Variants in THRB observed in about 807,000 individuals in gnomAD.
THRB encodes thyroid hormone receptor beta, also known as nuclear receptor subfamily 1 group A member 2.
A neutral mutation model predicts 47.8 loss-of-function variants in THRB; 12 were observed. The observed-to-expected ratio is 0.25, with a 90% confidence interval of 0.16 to 0.41. THRB has a LOEUF of 0.41. Among genes scored for constraint, THRB ranks in the 10% least tolerant of loss-of-function variants. THRB has a pLI of 1.00. For synonymous variants in THRB, 218 were observed against 212.2 expected (o/e 1.03, Z -0.24); for missense variants, 348 against 589.2 (o/e 0.59, Z 4.24).
At chr3:24,269,460 T>G (rs2053088473) in intron 3 of THRB, among the ~76,000 whole-genome samples, 1 of 151,558 alleles carries the variant, frequency 6.6e-6, no homozygotes, top group Non-Finnish European at 1.5e-5. Context: ...ATCTTCGCTG[T>G]GTTGTCCAGG....
chr3:24,329,628 C>T (rs967800517), intron 2 of THRB, among the ~76,000 whole-genome samples: 1 of 152,222 alleles, frequency 6.6e-6, no homozygotes, highest in Admixed American at 6.5e-5. Flanking sequence ...CTGTATTGAA[C>T]AGTCATGTAT....
At chr3:24,231,402 T>G (rs1192563494) in intron 3 of THRB, among the ~76,000 whole-genome samples, 1 of 152,114 alleles carries the variant, frequency 6.6e-6, no homozygotes, top group Non-Finnish European at 1.5e-5. Context: ...AAATCTTAAT[T>G]CTATATAAGA....
chr3:24,314,418 C>A (rs1451143501), intron 2 of THRB, among the ~76,000 whole-genome samples: 2 of 152,192 alleles, frequency 1.3e-5, no homozygotes, highest in African/African-American at 4.8e-5. Flanking sequence ...CCATCTAAAA[C>A]AAGAGATCTT....
At chr3:24,392,521 A>G (rs968762219) in intron 1 of THRB, among the ~76,000 whole-genome samples, 1 of 152,144 alleles carries the variant, frequency 6.6e-6, no homozygotes, top group Admixed American at 6.6e-5. Context: ...AACTTAAGTA[A>G]AACTATGGAC....
chr3:24,488,739 A>C (rs997375074), intron 1 of THRB, among the ~76,000 whole-genome samples: 2 of 152,186 alleles, frequency 1.3e-5, no homozygotes, highest in African/African-American at 2.4e-5. Context: ...CACTGCCTTA[A>C]ATGAATGAGT....
chr3:24,337,738 T>C (rs1301969752), intron 1 of THRB, among the ~76,000 whole-genome samples: 1 of 152,188 alleles, frequency 6.6e-6, no homozygotes, highest in Non-Finnish European at 1.5e-5. Context: ...CCACTGTGCG[T>C]TAAAGGGAAT....
At chr3:24,465,846 T>A (rs550480244) in intron 1 of THRB, among the ~76,000 whole-genome samples, 317 of 152,248 alleles carry the variant, frequency 2.1e-3, no homozygotes, top group Middle Eastern at 0.02. Context: ...TTGGCTTTGG[T>A]CCTTATTTTT....
In THRB at chr3:24,119,439, G is replaced by GAATAGGT. The variant is rs2031239901; in HGVS notation, c.*3438_*3444dup. ...ATGCAGCAAAAGGTCAATATGACAC[G>GAATAGGT]AATAGGTTAGAGTTCCATAGAATAA... On this transcript the variant is annotated 3_prime_UTR_variant, in exon 11 of 11. Coordinates refer to ENST00000646209, the MANE Select transcript of THRB (RefSeq NM_001354712.2). The GAATAGGT allele has an allele frequency of 6.6e-6, 1 of 152,154 alleles. No homozygotes were observed. The highest frequency in any genetic ancestry group is 2.1e-4 in the South Asian group (1 of 4,818). The allele number at this position is 152,154 out of a possible 1,614,324, so 9.4% of individuals were successfully genotyped here. A position where few individuals can be genotyped will look rare whatever the true frequency, so the allele number is the denominator to read the frequency against.
Position 24,122,482 on chromosome 3 carries a change from G to T in THRB, c.*402C>A. ...GGTGGTCTGTGCTCTGTTAACTTCA[G>T]CCCTGCGAACATCAGGATTGGGTGG... On this transcript the variant is annotated 3_prime_UTR_variant, in exon 11 of 11. Transcript: ENST00000646209. 3.3e-6 allele frequency: 1 copy of T among 305,636 alleles called. No homozygotes were observed. The highest frequency in any genetic ancestry group is 6.3e-6 in the Non-Finnish European group (1 of 157,486). 18.9% of individuals were successfully genotyped at this position (305,636 alleles called of 1,614,324 possible).
At chr3:24,154,794 C>T (rs1429986216) in intron 5 of THRB, among the ~76,000 whole-genome samples, 5 of 152,122 alleles carry the variant, frequency 3.3e-5, no homozygotes, top group Admixed American at 6.5e-5. Flanking sequence ...TCTTATACCT[C>T]GAGGTTATAC....
chr3:24,226,943 C>T (rs911409054), intron 4 of THRB, among the ~76,000 whole-genome samples: 1 of 150,220 alleles, frequency 6.7e-6, no homozygotes, highest in African/African-American at 2.5e-5. Flanking sequence ...TGGCCCTTTA[C>T]AACAACAATA....
At chr3:24,160,966 T>C (rs17014251) in intron 5 of THRB, among the ~76,000 whole-genome samples, 16,301 of 152,276 alleles carry the variant, frequency 0.11, 945 homozygotes, top group African/African-American at 0.13. Context: ...ATGCTCTGGA[T>C]GAGGTTAGGG....
At chr3:24,129,849 G>A (rs1045271872) in intron 9 of THRB, among the ~76,000 whole-genome samples, 1 of 152,216 alleles carries the variant, frequency 6.6e-6, no homozygotes, top group South Asian at 2.1e-4. Flanking sequence ...CAGCTCTGCC[G>A]GCGATGATTT....
At chr3:24,423,234 G>A (rs933522080) in intron 1 of THRB, among the ~76,000 whole-genome samples, 1 of 151,864 alleles carries the variant, frequency 6.6e-6, no homozygotes, top group South Asian at 2.1e-4. Flanking sequence ...CCATAGAATT[G>A]TAAGAAGTAA....
intron 7 of THRB, among the ~76,000 whole-genome samples, chr3:24,146,368 G>GTGTT (rs1387510246): frequency 2.6e-5 from 4 of 152,170 alleles, no homozygotes; most frequent in African/African-American, 9.7e-5. Context: ...CTCAAACAGA[G>GTGTT]TGTTGCTAAC....
intron 1 of THRB, among the ~76,000 whole-genome samples, chr3:24,429,167 A>G (rs1277562546): frequency 6.6e-6 from 1 of 151,614 alleles, no homozygotes; most frequent in Non-Finnish European, 1.5e-5. Context: ...GAAAATTATG[A>G]GGTATTCAAG....
intron 1 of THRB, among the ~76,000 whole-genome samples, chr3:24,353,129 C>G (rs1360996996): frequency 6.6e-6 from 1 of 151,912 alleles, no homozygotes; most frequent in African/African-American, 2.4e-5. Flanking sequence ...ATTCTTACCC[C>G]CCAAGTATAT....
At chr3:24,238,318 G>C (rs1408358911) in intron 3 of THRB, among the ~76,000 whole-genome samples, 1 of 142,418 alleles carries the variant, frequency 7.0e-6, no homozygotes, top group Non-Finnish European at 1.5e-5. Flanking sequence ...TGTGATGAAC[G>C]GATTGGAAAC....
chr3:24,229,306 A>G (rs1413556017), intron 3 of THRB, among the ~76,000 whole-genome samples: 1 of 152,198 alleles, frequency 6.6e-6, no homozygotes, highest in Non-Finnish European at 1.5e-5. Context: ...GTTTATCCCA[A>G]GAGTGGCTAA....
Sources: allele counts gnomAD v4.1 joint callset (sites outside exome capture counted in the v4.1 genomes callset), GRCh38; gene constraint gnomAD v4.1.1; transcripts MANE v1.5; gene names NCBI Gene and HGNC (gene_info 2026-07-23, HGNC 2026-07-21).